CD99L2: variants seen among roughly 807,000 people sequenced by gnomAD.
CD99L2 encodes CD99 molecule like 2, also known as CD99 antigen-like protein 2.
A neutral mutation model predicts 27.3 loss-of-function variants in CD99L2; 24 were observed. The ratio of observed to expected loss-of-function variants is 0.88; its 90% confidence interval spans 0.64 to 1.24. CD99L2 has a LOEUF of 1.24. CD99L2 is among the 50% of genes most tolerant of loss of function. The pLI is 0.00. For synonymous variants in CD99L2, 97 were observed against 87.9 expected, an observed-to-expected ratio of 1.10 and a Z score of -0.58; for missense variants, 255 against 221.6, an observed-to-expected ratio of 1.15 and a Z score of -0.96.
chrX:150,830,804 C>A (rs1188548927), intron 2 of CD99L2, among the ~76,000 whole-genome samples: 1 of 110,245 alleles, frequency 9.1e-6, no homozygotes, highest in African/African-American at 3.3e-5. Context: ...CATTTCTTTT[C>A]TTTTCTTTTC....
chrX:150,824,520 GAAGAAA>G (rs2046326723), intron 2 of CD99L2, among the ~76,000 whole-genome samples: 1 of 92,956 alleles, frequency 1.1e-5, no homozygotes, highest in African/African-American at 4.0e-5. Flanking sequence ...AAGGAAGGAA[GAAGAAA>G]GAAGAAGAAA....
intron 4 of CD99L2, among the ~76,000 whole-genome samples, chrX:150,811,623 G>A (rs1557420359): frequency 1.8e-5 from 2 of 111,608 alleles, no homozygotes; most frequent in African/African-American, 6.5e-5. Context: ...ACCTATTTCT[G>A]TTAGTAATAT....
At chrX:150,789,654 G>A (rs1392549433) in intron 7 of CD99L2, among the ~76,000 whole-genome samples, 1 of 111,572 alleles carries the variant, frequency 9.0e-6, no homozygotes, top group Non-Finnish European at 1.9e-5. Flanking sequence ...GGAGGCCAAG[G>A]CAGAAGAATC....
At chrX:150,802,055 T>C (rs1376965426) in intron 4 of CD99L2, among the ~76,000 whole-genome samples, 3 of 111,673 alleles carry the variant, frequency 2.7e-5, no homozygotes, top group Non-Finnish European at 5.6e-5. Flanking sequence ...AGCATTGCAA[T>C]ATGAAAAAAT....
intron 1 of CD99L2, among the ~76,000 whole-genome samples, chrX:150,836,193 A>T (rs890085585): frequency 9.0e-6 from 1 of 111,468 alleles, no homozygotes; most frequent in Admixed American, 9.5e-5. Context: ...TGCATACTGG[A>T]ATTGACCTAA....
chrX:150,779,774 T>C (rs894127257), intron 7 of CD99L2, among the ~76,000 whole-genome samples: 8 of 111,930 alleles, frequency 7.1e-5, no homozygotes, highest in African/African-American at 2.0e-4. Context: ...AATTTAGGGG[T>C]AAGGAATTTC....
intron 1 of CD99L2, among the ~76,000 whole-genome samples, chrX:150,836,760 C>T (rs1603302765): frequency 1.8e-5 from 2 of 112,139 alleles, no homozygotes; most frequent in Non-Finnish European, 3.8e-5. Flanking sequence ...GTGTAGCCTA[C>T]TACACACCTA....
At chrX:150,874,033 G>A (rs1365750057) in intron 1 of CD99L2, among the ~76,000 whole-genome samples, 1 of 112,656 alleles carries the variant, frequency 8.9e-6, no homozygotes, top group Non-Finnish European at 1.9e-5. Context: ...GTTAGCATGG[G>A]ACCATTTAGT....
Position 150,794,095 on chromosome X carries a change from T to C in CD99L2, c.431-339A>G, listed in dbSNP as rs1477432946. ...TCATCAAAAAGGAGATTATCCTAGATGGGCATGACTTAATCAGGTGACATC... is the reference window on the plus strand; with the variant it reads ...TCATCAAAAAGGAGATTATCCTAGACGGGCATGACTTAATCAGGTGACATC... On this transcript the variant is annotated intron_variant, in intron 6 of 10. Transcript: ENST00000370377. Among the ~76,000 whole-genome samples, 4 of 111,701 alleles carry C rather than the reference T, an allele frequency of 3.6e-5. No homozygotes were observed. The South Asian group carries it at 1.1e-3, about 31-fold the overall frequency.
intron 9 of CD99L2, chrX:150,771,869 C>A (rs1341326087): frequency 1.8e-5 from 21 of 1,142,040 alleles, no homozygotes; most frequent in Non-Finnish European, 2.3e-5. Flanking sequence ...AAGAGCGCTC[C>A]TGACAGCAAA....
chrX:150,835,118 T>C (rs782714236), intron 1 of CD99L2, among the ~76,000 whole-genome samples: 27 of 111,894 alleles, frequency 2.4e-4, no homozygotes, highest in Non-Finnish European at 4.9e-4. Flanking sequence ...AAAGTGTTGA[T>C]TAAAGAACAC....
At chrX:150,852,794 C>T (rs1273880883) in intron 1 of CD99L2, among the ~76,000 whole-genome samples, 5 of 111,557 alleles carry the variant, frequency 4.5e-5, no homozygotes, top group Non-Finnish European at 9.4e-5. Context: ...GAATTTCCTT[C>T]CTTCTTATGG....
At position 150,824,058 on chromosome X, in the gene CD99L2, GGAGGAA is replaced by G. The variant is rs1417819645; in HGVS notation, c.130+7167_130+7172del. ...AGGAGGAGGAGGAAGAAGAAGAGGA[GGAGGAA>G]GAGGAGGAGGAAGAGGAAGAAGAAG... On this transcript the variant is annotated intron_variant, in intron 2 of 10. Coordinates refer to ENST00000370377, the MANE Select transcript of CD99L2 (RefSeq NM_031462.4). 4.2e-3 allele frequency among the ~76,000 whole-genome samples: 402 copies of G among 95,933 alleles called. 8 individuals are homozygous for G. The highest frequency in any genetic ancestry group is 0.016 in the African/African-American group (385 of 23,900). 83.3% of individuals were successfully genotyped at this position (95,933 alleles called of 115,157 possible). A position where few individuals can be genotyped will look rare whatever the true frequency, so the allele number is the denominator to read the frequency against.
intron 7 of CD99L2, among the ~76,000 whole-genome samples, chrX:150,780,549 T>C (rs56951240): frequency 3.1e-3 from 351 of 111,977 alleles, no homozygotes; most frequent in African/African-American, 9.1e-3. Flanking sequence ...CAAAGGTTCA[T>C]CAACTGATGA....
At chrX:150,781,499 C>A (rs186738927) in intron 7 of CD99L2, among the ~76,000 whole-genome samples, 1 of 111,658 alleles carries the variant, frequency 9.0e-6, no homozygotes. Flanking sequence ...AGGTCACTGG[C>A]GGACTCTTCA....
At chrX:150,834,698 T>C (rs2046500175) in intron 1 of CD99L2, among the ~76,000 whole-genome samples, 1 of 111,636 alleles carries the variant, frequency 9.0e-6, no homozygotes, top group East Asian at 2.8e-4. Context: ...AAAATGAAAT[T>C]ATCATATAAT....
At chrX:150,897,993 C>A (rs954971283) in intron 1 of CD99L2, among the ~76,000 whole-genome samples, 9 of 100,998 alleles carry the variant, frequency 8.9e-5, no homozygotes, top group Non-Finnish European at 1.6e-4. Context: ...TGACCAAAGT[C>A]TCAAAAACTG....
At chrX:150,863,475 G>C (rs2047010432) in intron 1 of CD99L2, among the ~76,000 whole-genome samples, 1 of 112,626 alleles carries the variant, frequency 8.9e-6, no homozygotes. Context: ...TTTGCCATCT[G>C]TTCCACTTTC....
Position 150,767,551 on chromosome X carries a change from C to T in CD99L2, c.*1483G>A, listed in dbSNP as rs371523370. The T allele has an allele frequency of 2.7e-4, 30 of 111,863 alleles. No homozygotes were observed. The highest frequency in any genetic ancestry group is 7.8e-4 in the African/African-American group (24 of 30,707). The allele number at this position is 111,863 out of a possible 1,213,427, so 9.2% of individuals were successfully genotyped here. On this transcript the variant is annotated 3_prime_UTR_variant, in exon 11 of 11. Transcript: ENST00000370377. Reference sequence around the variant, plus strand: ...CTCCACCACAGGCATGTTTGCAAAACGAACACGAGGCATGCGTTAGACAGA... The same window carrying T: ...CTCCACCACAGGCATGTTTGCAAAATGAACACGAGGCATGCGTTAGACAGA...
Sources: allele counts gnomAD v4.1 joint callset (sites outside exome capture counted in the v4.1 genomes callset), GRCh38; gene constraint gnomAD v4.1.1; transcripts MANE v1.5; gene names NCBI Gene and HGNC (gene_info 2026-07-23, HGNC 2026-07-21).